The following TMTC1 variants were observed in gnomAD, a reference collection of about 807,000 sequenced individuals.
TMTC1 encodes transmembrane O-mannosyltransferase targeting cadherins 1, also known as protein O-mannosyl-transferase TMTC1.
In TMTC1, 73 loss-of-function variants were observed where a neutral mutation model predicts 104.8. The ratio of observed to expected loss-of-function variants is 0.70; its 90% CI spans 0.58 to 0.85. The LOEUF (loss-of-function observed/expected upper bound fraction) is 0.85, where lower values mean the gene tolerates loss of function less well. Among genes scored for constraint, TMTC1 ranks in the 40% least tolerant of loss-of-function variants. TMTC1 has a pLI of 0.00. For synonymous variants in TMTC1, 434 were observed against 428.7 expected, an observed-to-expected ratio of 1.01 and a Z score of -0.15; for missense variants, 1,035 against 1,096.1, an observed-to-expected ratio of 0.94 and a Z score of 0.79.
intron 5 of TMTC1, among the ~76,000 whole-genome samples, chr12:29,733,697 AG>A (rs1942601995): frequency 6.6e-6 from 1 of 152,182 alleles, no homozygotes. Flanking sequence ...ATTTGCAGTC[AG>A]GTTGGCTTTA....
intron 6 of TMTC1, among the ~76,000 whole-genome samples, chr12:29,607,330 G>A (rs1451559464): frequency 1.3e-5 from 2 of 152,208 alleles, no homozygotes; most frequent in Non-Finnish European, 2.9e-5. Context: ...AGTGCCCGGT[G>A]TGAATATTTG....
At chr12:29,627,639 C>G (rs1466562377) in intron 6 of TMTC1, among the ~76,000 whole-genome samples, 2 of 146,418 alleles carry the variant, frequency 1.4e-5, no homozygotes, top group Non-Finnish European at 3.0e-5. Flanking sequence ...CATATATCCA[C>G]AAAGAAACTT....
chr12:29,767,853 C>CGAT, intron 2 of TMTC1, 45 bp downstream of exon 2: 1 of 1,552,878 alleles, frequency 6.4e-7, no homozygotes. Context: ...CGTATACATA[C>CGAT]ACACATTCAT....
At chr12:29,575,930 T>C (rs190548632) in intron 8 of TMTC1, among the ~76,000 whole-genome samples, 2 of 152,318 alleles carry the variant, frequency 1.3e-5, no homozygotes, top group East Asian at 3.9e-4. Context: ...TTTATGACAA[T>C]AGCCGTCGTA....
chr12:29,506,399 T>C lies in TMTC1; in HGVS notation c.*447A>G, dbSNP rs1479963622. ...AAATAAGCCAATTCTTGGTAGGATTTTCCAAATGGCTTACCACAGAGGATT... is the reference window on the plus strand; with the variant it reads ...AAATAAGCCAATTCTTGGTAGGATTCTCCAAATGGCTTACCACAGAGGATT... On this transcript the variant is annotated 3_prime_UTR_variant, in exon 18 of 18. Transcript: ENST00000539277. The C allele has an allele frequency of 6.5e-6, 1 of 154,600 alleles. No homozygotes were observed. The highest frequency in any genetic ancestry group is 1.4e-5 in the Non-Finnish European group (1 of 69,610). 9.6% of individuals were successfully genotyped at this position (154,600 alleles called of 1,614,324 possible).
At chr12:29,533,951 C>T (rs1944573456) in intron 11 of TMTC1, 1 of 152,124 alleles carries the variant, frequency 6.6e-6, no homozygotes, top group East Asian at 1.9e-4. Flanking sequence ...GACACTGACC[C>T]ACAACCACAG....
At chr12:29,515,189 T>C (rs545816237) in intron 15 of TMTC1, among the ~76,000 whole-genome samples, 117 of 152,234 alleles carry the variant, frequency 7.7e-4, no homozygotes, top group Non-Finnish European at 1.4e-3. Flanking sequence ...AGATTTGGCA[T>C]CAGACGTTTT....
intron 6 of TMTC1, among the ~76,000 whole-genome samples, chr12:29,616,041 G>A (rs1946969592): frequency 6.6e-6 from 1 of 152,140 alleles, no homozygotes; most frequent in African/African-American, 2.4e-5. Flanking sequence ...TTTGAGGAAT[G>A]CCATTCATGA....
At chr12:29,642,571 A>G (rs919104410) in intron 5 of TMTC1, among the ~76,000 whole-genome samples, 1 of 152,202 alleles carries the variant, frequency 6.6e-6, no homozygotes, top group Admixed American at 6.5e-5. Flanking sequence ...AGCCATCACT[A>G]CAAGAACTGC....
chr12:29,783,857 A>G lies in TMTC1; in HGVS notation c.-106T>C, dbSNP rs1277785262. On this transcript the variant is annotated 5_prime_UTR_variant, in exon 1 of 18. An upstream start codon of the reference 5' UTR is lost. Coordinates refer to ENST00000539277, the MANE Select transcript of TMTC1 (RefSeq NM_001193451.2). The surrounding 1 kb of genome is among the most constrained non-coding windows in gnomAD (Gnocchi z 4.7). ...CGTCTGCCCGGAGGGGGGCTCGGGC[A>G]TGGTGCTGCGGCAGCTGGACCCGCC... 2.9e-6 allele frequency: 3 copies of G among 1,022,318 alleles called. No individual in the cohort carries two copies. Among genetic ancestry groups the G allele is most frequent in the East Asian group, 1.6e-4 (2 of 12,490 alleles). The allele number at this position is 1,022,318 out of a possible 1,614,324, so 63.3% of individuals were successfully genotyped here. A position where few individuals can be genotyped will look rare whatever the true frequency, so the allele number is the denominator to read the frequency against.
intron 10 of TMTC1, among the ~76,000 whole-genome samples, chr12:29,556,300 C>T (rs970855480): frequency 5.3e-5 from 8 of 152,166 alleles, no homozygotes; most frequent in Non-Finnish European, 1.0e-4. Context: ...CTACTAATTC[C>T]GACTACTAAT....
intron 5 of TMTC1, among the ~76,000 whole-genome samples, chr12:29,668,475 T>TTTTG (rs1940375006): frequency 8.4e-6 from 1 of 119,284 alleles, no homozygotes; most frequent in Non-Finnish European, 1.7e-5. Context: ...TTTTTTTTTT[T>TTTTG]TTTGAGATGG....
chr12:29,744,629 G>A (rs564848829), intron 5 of TMTC1, among the ~76,000 whole-genome samples: 1 of 152,286 alleles, frequency 6.6e-6, no homozygotes, highest in South Asian at 2.1e-4. Flanking sequence ...CACATACTCT[G>A]GGTCTGGTTA....
chr12:29,683,093 C>T (rs549496149), intron 5 of TMTC1, among the ~76,000 whole-genome samples: 1 of 152,150 alleles, frequency 6.6e-6, no homozygotes, highest in South Asian at 2.1e-4. Flanking sequence ...TTCCCTTGTG[C>T]CATGCCACCT....
At chr12:29,556,083 A>G (rs967178691) in intron 10 of TMTC1, among the ~76,000 whole-genome samples, 13 of 151,898 alleles carry the variant, frequency 8.6e-5, no homozygotes, top group African/African-American at 2.9e-4. Flanking sequence ...GCTAAATTCC[A>G]TAACTACCAC....
chr12:29,639,438 T>C (rs1356585096), intron 5 of TMTC1, among the ~76,000 whole-genome samples: 2 of 152,164 alleles, frequency 1.3e-5, no homozygotes, highest in East Asian at 1.9e-4. Flanking sequence ...ATGTATAATA[T>C]AAAAATGATA....
At chr12:29,636,981 G>A (rs976158960) in intron 5 of TMTC1, among the ~76,000 whole-genome samples, 4 of 151,920 alleles carry the variant, frequency 2.6e-5, no homozygotes, top group African/African-American at 9.7e-5. Context: ...GATCACTTTA[G>A]CCAGGGAGGT....
intron 4 of TMTC1, among the ~76,000 whole-genome samples, chr12:29,753,999 T>C (rs995308472): frequency 2.0e-5 from 3 of 152,176 alleles, no homozygotes; most frequent in Non-Finnish European, 1.5e-5. Flanking sequence ...CCCGAGTAGC[T>C]GGGATTACAG....
chr12:29,642,429 CCTTAT>C (rs1261097610), intron 5 of TMTC1, among the ~76,000 whole-genome samples: 1 of 152,070 alleles, frequency 6.6e-6, no homozygotes, highest in Non-Finnish European at 1.5e-5. Context: ...GGGATTGGGG[CCTTAT>C]CTTCAGCCTC....
Sources: allele counts gnomAD v4.1 joint callset (sites outside exome capture counted in the v4.1 genomes callset), GRCh38; gene constraint gnomAD v4.1.1; non-coding constraint Gnocchi (gnomAD v3.1); transcripts MANE v1.5; gene names NCBI Gene and HGNC (gene_info 2026-07-23, HGNC 2026-07-21).